Variants in ONECUT1 observed in about 807,000 individuals in gnomAD.
The protein encoded by ONECUT1 is one cut homeobox 1.
A neutral mutation model predicts 25.6 loss-of-function variants in ONECUT1; 12 were observed. That is an observed-to-expected ratio of 0.47 (90% CI 0.30 to 0.76). ONECUT1 has a LOEUF of 0.76. Among genes scored for constraint, ONECUT1 ranks in the 30% least tolerant of loss-of-function variants. The pLI is 0.07. For missense variants in ONECUT1, 620 were observed against 651.2 expected (o/e 0.95, Z 0.52); for synonymous variants, 285 against 270.2 (o/e 1.05, Z -0.54).
rs201320982 is a variant in ONECUT1 at position 52,757,891 on chromosome 15, A to T, written c.1106-44T>A. 9.1e-4 allele frequency: 1,426 copies of T among 1,568,714 alleles called. 10 individuals carry two copies. The highest frequency in any genetic ancestry group is 2.0e-4 in the East Asian group (9 of 44,472). ...GATGTTAGAACAAATGGTCTAGGGG[A>T]GAATCATGAGTAGAAAGACAGAGCT... On this transcript the variant is annotated intron_variant, in intron 1 of 1. Coordinates refer to ENST00000305901, the MANE Select transcript of ONECUT1 (RefSeq NM_004498.4).
intron 1 of ONECUT1, among the ~76,000 whole-genome samples, chr15:52,769,681 A>C (rs2083755067): frequency 6.6e-6 from 1 of 152,200 alleles, no homozygotes; most frequent in African/African-American, 2.4e-5. Flanking sequence ...CAGAAGGCAC[A>C]GGGGAAACTA....
Position 52,789,298 on chromosome 15 carries a change from C to G in ONECUT1, c.587G>C (p.Gly196Ala). The G allele has an allele frequency of 6.4e-7, 1 of 1,559,482 alleles. No homozygotes were observed. Among genetic ancestry groups the G allele is most frequent in the East Asian group, 2.3e-5 (1 of 44,356 alleles). Reference protein sequence around the residue: ...GLGSIHNSQQGLPHYAHPGAA... With the variant: ...GLGSIHNSQQALPHYAHPGAA... The stretch of plus-strand genomic sequence containing the variant: ...CCCCGGGTGGGCATAGTGGGGGAGC[C>G]CTTGCTGGGAGTTGTGGATGCTGCC... The change falls in exon 1 of 2, where the codon GGG (glycine) becomes GCG (alanine). Residue 196 changes from glycine (G) to alanine (A), a missense_variant. Coordinates refer to ENST00000305901, the MANE Select transcript of ONECUT1 (RefSeq NM_004498.4). The surrounding 1 kb of genome is among the most constrained non-coding windows in gnomAD (Gnocchi z 4.1).
intron 1 of ONECUT1, among the ~76,000 whole-genome samples, chr15:52,760,981 C>CTGGTGAGGTCCATTCTTG (rs79303729): frequency 6.7e-6 from 1 of 148,840 alleles, no homozygotes; most frequent in African/African-American, 2.5e-5. Context: ...AGGTGGCTCT[C>CTGGTGAGGTCCATTCTTG]GAATTGCCCT....
In ONECUT1 at chr15:52,789,762, G is replaced by A; in HGVS notation, c.123C>T (p.Arg41=). ...SPHARSSVAH[R]GSHLPPAHPR... ...GGTGCGCGGGGGGCAGGTGGCTGCC[G>A]CGGTGCGCCACGGAGCTGCGCGCGT... The change falls in exon 1 of 2, where the codon CGC becomes CGT. Residue 41 remains arginine, a synonymous_variant. Transcript: ENST00000305901. This position sits in a 1 kb window ranked among gnomAD's most constrained non-coding sequence, Gnocchi z 4.1. 1 of 1,405,504 alleles carries A rather than the reference G, an allele frequency of 7.1e-7. No individual in the cohort carries two copies. The highest frequency in any genetic ancestry group is 9.2e-7 in the Non-Finnish European group (1 of 1,090,746). The allele number at this position is 1,405,504 out of a possible 1,614,324, so 87.1% of individuals were successfully genotyped here. A position where few individuals can be genotyped will look rare whatever the true frequency, so the allele number is the denominator to read the frequency against.
intron 1 of ONECUT1, chr15:52,780,750 A>G: frequency 2.1e-6 from 3 of 1,462,226 alleles, no homozygotes; most frequent in Middle Eastern, 1.8e-4. Flanking sequence ...GATCTGTTTT[A>G]GAAGACAACA....
At chr15:52,761,719 G>A (rs919083573) in intron 1 of ONECUT1, among the ~76,000 whole-genome samples, 1 of 152,178 alleles carries the variant, frequency 6.6e-6, no homozygotes, top group African/African-American at 2.4e-5. Flanking sequence ...ATTAGACAAT[G>A]GCAGAATCGG....
intron 1 of ONECUT1, among the ~76,000 whole-genome samples, chr15:52,763,666 C>T (rs890579636): frequency 9.9e-5 from 15 of 152,150 alleles, no homozygotes; most frequent in African/African-American, 3.6e-4. Context: ...TACAGGCTCT[C>T]CCAAACTTAT....
Position 52,757,866 on chromosome 15 carries a change from G to A in ONECUT1, c.1106-19C>T, listed in dbSNP as rs574048142. The A allele has an allele frequency of 6.2e-7, 1 of 1,607,828 alleles. No homozygotes were observed. Among genetic ancestry groups the A allele is most frequent in the Admixed American group, 1.7e-5 (1 of 59,304 alleles). Reference sequence around the variant, plus strand: ...TTGCATGCTGTGAAGAAACACAGAAGATGTTAGAACAAATGGTCTAGGGGA... The same window carrying A: ...TTGCATGCTGTGAAGAAACACAGAAAATGTTAGAACAAATGGTCTAGGGGA... On this transcript the variant is annotated intron_variant, in intron 1 of 1. Coordinates refer to ENST00000305901, the MANE Select transcript of ONECUT1 (RefSeq NM_004498.4).
intron 1 of ONECUT1, among the ~76,000 whole-genome samples, chr15:52,777,737 C>CACACACAAA (rs57187579): frequency 0.015 from 1,506 of 103,354 alleles, 73 homozygotes; most frequent in African/African-American, 0.064. Context: ...CACACACACA[C>CACACACAAA]AAAAAAACAT....
Position 52,757,414 on chromosome 15 carries a change from T to G in ONECUT1, c.*141A>C, listed in dbSNP as rs2083679240. ...TCAGAATGCAGGTGAGCTAAGTCTTTGGTTTCTTTGGACTATAAATAACGC... is the reference window on the plus strand; with the variant it reads ...TCAGAATGCAGGTGAGCTAAGTCTTGGGTTTCTTTGGACTATAAATAACGC... On this transcript the variant is annotated 3_prime_UTR_variant, in exon 2 of 2. Coordinates refer to ENST00000305901, the MANE Select transcript of ONECUT1 (RefSeq NM_004498.4). The G allele has an allele frequency of 2.1e-6, 2 of 943,252 alleles. No individual in the cohort carries two copies. The highest frequency in any genetic ancestry group is 3.1e-6 in the Non-Finnish European group (2 of 648,106). 58.4% of individuals were successfully genotyped at this position (943,252 alleles called of 1,614,324 possible). A position where few individuals can be genotyped will look rare whatever the true frequency, so the allele number is the denominator to read the frequency against.
intron 1 of ONECUT1, among the ~76,000 whole-genome samples, chr15:52,771,698 G>C (rs1275914262): frequency 1.3e-5 from 2 of 151,582 alleles, no homozygotes; most frequent in Non-Finnish European, 2.9e-5. Flanking sequence ...TACAGGTGGT[G>C]TTTGGTTACA....
intron 1 of ONECUT1, among the ~76,000 whole-genome samples, chr15:52,778,824 G>A (rs2141459175): frequency 6.6e-6 from 1 of 152,244 alleles, no homozygotes; most frequent in East Asian, 1.9e-4. Flanking sequence ...ATCATAGAAG[G>A]CAATCAATCA....
intron 1 of ONECUT1, among the ~76,000 whole-genome samples, chr15:52,767,898 G>A (rs2083744184): frequency 6.6e-6 from 1 of 152,130 alleles, no homozygotes; most frequent in Non-Finnish European, 1.5e-5. Flanking sequence ...CAACACGGTT[G>A]GAACTGGACG....
At chr15:52,760,276 C>T (rs1355977257) in intron 1 of ONECUT1, among the ~76,000 whole-genome samples, 3 of 152,144 alleles carry the variant, frequency 2.0e-5, no homozygotes, top group African/African-American at 7.2e-5. Flanking sequence ...AGTTCTTCCT[C>T]CCAGAGGCCT....
intron 1 of ONECUT1, among the ~76,000 whole-genome samples, chr15:52,782,257 A>G (rs2083846098): frequency 6.6e-6 from 1 of 152,212 alleles, no homozygotes; most frequent in Admixed American, 6.5e-5. Context: ...ACATATGTGG[A>G]TGCTTCTATA....
chr15:52,766,726 C>T (rs549273672), intron 1 of ONECUT1, among the ~76,000 whole-genome samples: 1 of 152,320 alleles, frequency 6.6e-6, no homozygotes, highest in South Asian at 2.1e-4. Context: ...GGAAGCAGCT[C>T]ACCCAATGGA....
At chr15:52,771,415 C>G (rs1226347171) in intron 1 of ONECUT1, among the ~76,000 whole-genome samples, 5 of 148,928 alleles carry the variant, frequency 3.4e-5, no homozygotes, top group African/African-American at 1.3e-4. Context: ...ATAGAATCAT[C>G]TCATTTTTGC....
At chr15:52,762,022 C>T (rs911911561) in intron 1 of ONECUT1, among the ~76,000 whole-genome samples, 1 of 152,114 alleles carries the variant, frequency 6.6e-6, no homozygotes, top group Admixed American at 6.5e-5. Context: ...GAAATATAGA[C>T]TTGGAAGTCA....
intron 1 of ONECUT1, among the ~76,000 whole-genome samples, chr15:52,776,828 T>C (rs2083804286): frequency 6.6e-6 from 1 of 152,228 alleles, no homozygotes; most frequent in Non-Finnish European, 1.5e-5. Context: ...GATCAGTGTT[T>C]GGGCGAATGA....
Sources: gnomAD v4.1 joint callset for allele counts (sites outside exome capture counted in the v4.1 genomes callset) on GRCh38, gnomAD v4.1.1 for gene constraint, Gnocchi (gnomAD v3.1) non-coding constraint, MANE v1.5 for transcripts, NCBI Gene and HGNC (gene_info 2026-07-23, HGNC 2026-07-21) for gene names.